The following TRPV4 variants were observed in gnomAD, a reference collection of about 807,000 sequenced individuals.
TRPV4 encodes the protein OSM9-like transient receptor potential channel 4.
TRPV4 carries 58 observed loss-of-function variants against 84.1 expected under a neutral mutation model. That is an observed-to-expected ratio of 0.69 (90% CI 0.56 to 0.86). TRPV4 has a LOEUF of 0.86. TRPV4 is among the 40% of genes least tolerant of loss of function. The pLI is 0.00. For synonymous variants in TRPV4, 489 were observed against 500.9 expected, an observed-to-expected ratio of 0.98 and a Z score of 0.32; for missense variants, 879 against 1,181.1, an observed-to-expected ratio of 0.74 and a Z score of 3.75.
In TRPV4 at chr12:109,794,461, C is replaced by T. The variant is rs1890262147; in HGVS notation, c.1359G>A (p.Glu453=). The change falls in exon 8 of 16, where the codon GAG becomes GAA. Residue 453 remains glutamate (E), a synonymous_variant. Coordinates refer to ENST00000261740, the MANE Select transcript of TRPV4 (RefSeq NM_021625.5). ...IENRHEMLAV[E]PINELLRDKW... ...TGTCCCGCAGCAGTTCATTGATGGG[C>T]TCCACAGCCAGCATCTCGTGGCGGT... is the stretch of plus-strand genomic sequence containing the variant. 2.5e-6 allele frequency: 4 copies of T among 1,614,002 alleles called. No homozygotes were observed. The highest frequency in any genetic ancestry group is 1.1e-5 in the South Asian group (1 of 91,082).
chr12:109,822,062 TGAG>T (rs950226202), intron 1 of TRPV4, among the ~76,000 whole-genome samples: 6 of 151,194 alleles, frequency 4.0e-5, no homozygotes, highest in Non-Finnish European at 8.9e-5. Flanking sequence ...GGAAAGGCTG[TGAG>T]GAGGAGGAGG....
intron 3 of TRPV4, among the ~76,000 whole-genome samples, chr12:109,806,655 T>C (rs1021077977): frequency 2.0e-5 from 3 of 146,746 alleles, no homozygotes; most frequent in Admixed American, 6.8e-5. Context: ...AGGAGTTTGA[T>C]ACCAGCCTGG....
chr12:109,802,365 G>T (rs369140683), intron 4 of TRPV4, among the ~76,000 whole-genome samples: 1 of 150,014 alleles, frequency 6.7e-6, no homozygotes, highest in African/African-American at 2.5e-5. Context: ...GCAATGGCGC[G>T]ATATTGGCTC....
At chr12:109,816,293 G>A (rs1234727055) in intron 1 of TRPV4, among the ~76,000 whole-genome samples, 1 of 152,100 alleles carries the variant, frequency 6.6e-6, no homozygotes, top group African/African-American at 2.4e-5. Flanking sequence ...CCTGGCCTTT[G>A]GAGTCATTCA....
In TRPV4 at chr12:109,798,737, G is replaced by A. The variant is rs1890582698; in HGVS notation, c.1029C>T (p.Thr343=). 1.2e-6 allele frequency: 2 copies of A among 1,614,026 alleles called. No individual in the cohort carries two copies. The highest frequency in any genetic ancestry group is 3.3e-5 in the Admixed American group (2 of 60,010). Residue 343 remains threonine, a synonymous_variant, in exon 6 of 16, where the codon ACC becomes ACT. Transcript: ENST00000261740. This position sits in a 1 kb window ranked among gnomAD's most constrained non-coding sequence, Gnocchi z 5.0. ...DNTRENTKFV[T]KMYDLLLLKC... is the part of the protein sequence containing the mutation. ...TGAGCAGCAGCAGGTCGTACATCTTGGTAACAAACTTGGTGTTCTCACGGG... is the reference window on the plus strand; with the variant it reads ...TGAGCAGCAGCAGGTCGTACATCTTAGTAACAAACTTGGTGTTCTCACGGG...
chr12:109,823,941 T>TTG (rs113643368), intron 1 of TRPV4, among the ~76,000 whole-genome samples: 4,558 of 149,460 alleles, frequency 0.03, 219 homozygotes, highest in African/African-American at 0.1. Flanking sequence ...TTTTTCTTTC[T>TTG]TGTGTGTGTG....
At chr12:109,813,581 T>C (rs144307766) in intron 2 of TRPV4, among the ~76,000 whole-genome samples, 224 of 149,716 alleles carry the variant, frequency 1.5e-3, no homozygotes, top group African/African-American at 5.5e-3. Context: ...ATTGTATAAA[T>C]GAGTGGGTGG....
intron 1 of TRPV4, chr12:109,832,337 G>A (rs1275604608): frequency 1.3e-5 from 2 of 152,348 alleles, no homozygotes; most frequent in Non-Finnish European, 2.9e-5. Context: ...TTGCTCCGGA[G>A]CCAAAGTGGC....
rs1473089471 is a variant in TRPV4 at position 109,800,741 on chromosome 12, T to C, written c.730A>G (p.Ile244Val). Residue 244 changes from isoleucine (I) to valine (V), a missense_variant, in exon 5 of 16, where the codon ATC becomes GTC. Physicochemically the swap from Ile to Val is conservative, Grantham distance 29 (BLOSUM62 3). Transcript: ENST00000261740. ...TGTTTGCAGCGACGCTCAATGGCGA[T>C]GTGCAGGGCTGTCTGACCTGGGGGC... ...IYYRGQTALH[I>V]AIERRCKHYV... The C allele has an allele frequency of 6.2e-7, 1 of 1,611,562 alleles. No homozygotes were observed. Among genetic ancestry groups the C allele is most frequent in the Admixed American group, 1.7e-5 (1 of 59,866 alleles).
Position 109,796,469 on chromosome 12 carries a change from C to T in TRPV4, c.1332+56G>A. The stretch of plus-strand genomic sequence containing the variant: ...CCAGCCCAGCCCCAGGGCCCTGTCC[C>T]TACTCCCAGCCCTGCCCCTCCTTCC... On this transcript the variant is annotated intron_variant, in intron 7 of 15. Transcript: ENST00000261740. This position sits in a 1 kb window ranked among gnomAD's most constrained non-coding sequence, Gnocchi z 4.2. The T allele has an allele frequency of 6.2e-7, 1 of 1,601,948 alleles. No homozygotes were observed. The highest frequency in any genetic ancestry group is 8.5e-7 in the Non-Finnish European group (1 of 1,172,656).
rs3825396 is a variant in TRPV4 at position 109,796,893 on chromosome 12, C to T, written c.1153-189G>A. ...GATAAAGAATGGAGGCTGGGAAAAA[C>T]GAAGGGTGTTCCAGAAGCCACTTAA... On this transcript the variant is annotated intron_variant, in intron 6 of 15. Transcript: ENST00000261740. The surrounding 1 kb of genome is among the most constrained non-coding windows in gnomAD (Gnocchi z 4.2). Among the ~76,000 whole-genome samples the T allele has an allele frequency of 0.1, 15,757 of 152,214 alleles. 1,021 individuals carry two copies. Among genetic ancestry groups the T allele is most frequent in the South Asian group, 0.18 (889 of 4,820 alleles).
intron 4 of TRPV4, 21 bp from the exon 5 acceptor site, chr12:109,800,779 T>G: frequency 1.4e-6 from 2 of 1,428,446 alleles, no homozygotes; most frequent in Non-Finnish European, 1.9e-6. Flanking sequence ...GGGACGGTCA[T>G]CCAGGGTCCT....
At position 109,802,992 on chromosome 12, in the gene TRPV4, T is replaced by A; in HGVS notation, c.711A>T (p.Arg237=). The change falls in exon 4 of 16, where the codon CGA becomes CGT. Residue 237 remains arginine, a splice_region_variant and synonymous_variant. Transcript: ENST00000261740. ...INSPFRDIYY[R]GQTALHIAIE... is the part of the protein sequence containing the mutation. ...CCCCTGCCCAGCCCGGGGCCCCACC[T>A]CGATAGTAGATGTCACGGAAGGGCG... The A allele has an allele frequency of 6.2e-7, 1 of 1,613,770 alleles. No individual in the cohort carries two copies. Among genetic ancestry groups the A allele is most frequent in the Non-Finnish European group, 8.5e-7 (1 of 1,179,978 alleles).
intron 4 of TRPV4, 45 bp from the exon 5 acceptor site, chr12:109,800,803 C>T: frequency 6.2e-7 from 1 of 1,604,856 alleles, no homozygotes. Context: ...GGAGCAGAGA[C>T]CTAGCCAGGC....
At chr12:109,802,840 A>G (rs1890885548) in intron 4 of TRPV4, 151 bp downstream of exon 4, 2 of 677,004 alleles carry the variant, frequency 3.0e-6, no homozygotes, top group Non-Finnish European at 5.1e-6. Flanking sequence ...GCATCCATGC[A>G]TCCATCCATC....
At chr12:109,831,332 C>T (rs1892404018) in intron 1 of TRPV4, among the ~76,000 whole-genome samples, 1 of 152,216 alleles carries the variant, frequency 6.6e-6, no homozygotes, top group East Asian at 1.9e-4. Flanking sequence ...CCTTCCTGGG[C>T]CAGTCCTCCT....
intron 3 of TRPV4, among the ~76,000 whole-genome samples, chr12:109,806,358 C>CTTTTTTTTTTTT (rs60159775): frequency 8.7e-6 from 1 of 115,564 alleles, no homozygotes; most frequent in African/African-American, 3.4e-5. Flanking sequence ...CTAAGCCTGG[C>CTTTTTTTTTTTT]TTTTTTTTTT....
In TRPV4 at chr12:109,814,980, G is replaced by T; in HGVS notation, c.-31-153C>A. ...CACAGGGAGGCCACTCCCAGATGTG[G>T]TTGGCCGCCAGCCTCAGGCGGGAAC... On this transcript the variant is annotated intron_variant, in intron 1 of 15. Coordinates refer to ENST00000261740, the MANE Select transcript of TRPV4 (RefSeq NM_021625.5). This position sits in a 1 kb window ranked among gnomAD's most constrained non-coding sequence, Gnocchi z 5.4. 1 of 709,096 alleles carries T rather than the reference G, an allele frequency of 1.4e-6. No homozygotes were observed. Among genetic ancestry groups the T allele is most frequent in the South Asian group, 1.9e-5 (1 of 53,628 alleles). The allele number at this position is 709,096 out of a possible 1,614,324, so 43.9% of individuals were successfully genotyped here. A position where few individuals can be genotyped will look rare whatever the true frequency, so the allele number is the denominator to read the frequency against.
At position 109,787,434 on chromosome 12, in the gene TRPV4, A is replaced by G. The variant is rs533348503; in HGVS notation, c.2209-597T>C. 2.6e-5 allele frequency among the ~76,000 whole-genome samples: 4 copies of G among 152,266 alleles called. No individual in the cohort carries two copies. The South Asian group carries it at 8.3e-4, about 32-fold the overall frequency. On this transcript the variant is annotated intron_variant, in intron 13 of 15. Transcript: ENST00000261740. ...AGCCTGGGCAACATGGTGAAACCCC[A>G]TCTTTACAAAAAATACAAAAATTAG... is the stretch of plus-strand genomic sequence containing the variant.
Sources: gnomAD v4.1 joint callset for allele counts (sites outside exome capture counted in the v4.1 genomes callset) on GRCh38, gnomAD v4.1.1 for gene constraint, Gnocchi (gnomAD v3.1) non-coding constraint, MANE v1.5 for transcripts, NCBI Gene and HGNC (gene_info 2026-07-23, HGNC 2026-07-21) for gene names.